Variants in TESC observed in about 807,000 individuals in gnomAD.
TESC encodes calcineurin B homologous protein 3.
In TESC, 19 loss-of-function variants were observed where a neutral mutation model predicts 31.0. The observed-to-expected ratio is 0.61, with a 90% confidence interval of 0.43 to 0.90. TESC has a LOEUF of 0.90. TESC is among the 40% of genes least tolerant of loss of function. TESC has a pLI of 0.00. For synonymous variants in TESC, 109 were observed against 114.8 expected (o/e 0.95, Z 0.32); for missense variants, 248 against 303.8 (o/e 0.82, Z 1.36).
chr12:117,055,916 T>TC (rs1295485264), intron 3 of TESC, among the ~76,000 whole-genome samples: 5 of 146,030 alleles, frequency 3.4e-5, no homozygotes, highest in African/African-American at 1.3e-4. Context: ...CTTTTCCTTT[T>TC]TTTTTTTTTT....
intron 1 of TESC, among the ~76,000 whole-genome samples, chr12:117,085,354 T>C (rs1285864717): frequency 1.3e-5 from 2 of 151,990 alleles, no homozygotes; most frequent in African/African-American, 2.4e-5. Flanking sequence ...TGCCCGGCAA[T>C]AGACAGCGTG....
At chr12:117,053,491 T>C (rs888855690) in intron 3 of TESC, among the ~76,000 whole-genome samples, 1 of 152,038 alleles carries the variant, frequency 6.6e-6, no homozygotes, top group African/African-American at 2.4e-5. Flanking sequence ...TTCCTACAAG[T>C]GACAACTGAC....
intron 2 of TESC, among the ~76,000 whole-genome samples, chr12:117,069,428 G>A (rs1954934541): frequency 6.6e-6 from 1 of 152,044 alleles, no homozygotes; most frequent in Non-Finnish European, 1.5e-5. Flanking sequence ...CAGTAGAGAC[G>A]AGGTTTCACC....
chr12:117,085,015 G>T lies in TESC; in HGVS notation c.59-9675C>A, dbSNP rs116717413. On this transcript the variant is annotated intron_variant, in intron 1 of 7. Coordinates refer to ENST00000335209, the MANE Select transcript of TESC (RefSeq NM_017899.4). ...CTCTGCTAGAAATGCACATCCCCTCGCCAGGATCCAGGACAGTAAACGCTG... is the reference window on the plus strand; with the variant it reads ...CTCTGCTAGAAATGCACATCCCCTCTCCAGGATCCAGGACAGTAAACGCTG... 1.8e-3 allele frequency among the ~76,000 whole-genome samples: 271 copies of T among 152,318 alleles called. 1 individual carries two copies. The highest frequency in any genetic ancestry group is 6.3e-3 in the African/African-American group (261 of 41,572).
intron 1 of TESC, among the ~76,000 whole-genome samples, chr12:117,081,141 G>A (rs911382883): frequency 2.6e-5 from 4 of 152,242 alleles, no homozygotes; most frequent in Admixed American, 6.5e-5. Flanking sequence ...AAACTTCAAC[G>A]TGAAGGAACA....
chr12:117,082,501 TAA>T (rs780175960), intron 1 of TESC, among the ~76,000 whole-genome samples: 50 of 124,770 alleles, frequency 4.0e-4, no homozygotes, highest in Admixed American at 5.0e-4. Context: ...AGACTTTGTC[TAA>T]AAAAAAAAAA....
At chr12:117,093,401 A>G (rs1955341842) in intron 1 of TESC, among the ~76,000 whole-genome samples, 1 of 152,222 alleles carries the variant, frequency 6.6e-6, no homozygotes, top group South Asian at 2.1e-4. Context: ...ATGAGATTAG[A>G]CCAGGAATGG....
intron 1 of TESC, among the ~76,000 whole-genome samples, chr12:117,081,061 C>G (rs778451928): frequency 2.0e-5 from 3 of 152,202 alleles, no homozygotes; most frequent in Admixed American, 6.5e-5. Flanking sequence ...GCACACCAGT[C>G]CATGGGGCTG....
intron 3 of TESC, among the ~76,000 whole-genome samples, chr12:117,052,050 C>T (rs999104635): frequency 2.0e-5 from 3 of 152,194 alleles, no homozygotes; most frequent in African/African-American, 7.2e-5. Flanking sequence ...GCTGGGATTA[C>T]AGGTGCGTGC....
intron 2 of TESC, among the ~76,000 whole-genome samples, chr12:117,071,557 T>G (rs999593643): frequency 3.3e-5 from 5 of 152,170 alleles, no homozygotes; most frequent in Non-Finnish European, 7.3e-5. Context: ...AAGATGACGT[T>G]GATGGCACTG....
chr12:117,093,598 A>G (rs1262619117), intron 1 of TESC, among the ~76,000 whole-genome samples: 1 of 152,196 alleles, frequency 6.6e-6, no homozygotes. Context: ...GGCCTTGGGC[A>G]GGCACCTCCT....
chr12:117,088,910 G>A (rs1382466977), intron 1 of TESC, among the ~76,000 whole-genome samples: 1 of 152,202 alleles, frequency 6.6e-6, no homozygotes, highest in African/African-American at 2.4e-5. Flanking sequence ...CTGCTGAGGT[G>A]GCCCAGGTGT....
chr12:117,049,273 C>T, intron 3 of TESC, 115 bp from the exon 4 acceptor site: 1 of 1,432,410 alleles, frequency 7.0e-7, no homozygotes, highest in Non-Finnish European at 9.5e-7. Flanking sequence ...CCCACGATGG[C>T]TGCTCTCGCC....
intron 2 of TESC, among the ~76,000 whole-genome samples, chr12:117,063,271 C>A (rs1325820964): frequency 1.3e-5 from 2 of 152,170 alleles, no homozygotes; most frequent in Non-Finnish European, 2.9e-5. Flanking sequence ...CTCACTCTCA[C>A]CACTTCCTTC....
At chr12:117,041,798 GC>G in intron 7 of TESC, 148 bp downstream of exon 7, 1 of 677,094 alleles carries the variant, frequency 1.5e-6, no homozygotes, top group Admixed American at 3.1e-5. Context: ...TAAAGGCCAT[GC>G]CCAGGTTGAC....
intron 2 of TESC, among the ~76,000 whole-genome samples, chr12:117,057,135 T>C (rs1395946102): frequency 6.6e-6 from 1 of 152,192 alleles, no homozygotes; most frequent in African/African-American, 2.4e-5. Context: ...AGAGTCTCAC[T>C]GTCACCCAGG....
chr12:117,099,164 C>G (rs1324481800), intron 1 of TESC, 61 bp downstream of exon 1: 1 of 1,455,040 alleles, frequency 6.9e-7, no homozygotes, highest in Admixed American at 2.5e-5. Context: ...GCCGGGGTCC[C>G]CAACAGTGGC....
At chr12:117,071,236 C>A (rs965423710) in intron 2 of TESC, among the ~76,000 whole-genome samples, 1 of 152,220 alleles carries the variant, frequency 6.6e-6, no homozygotes, top group Admixed American at 6.5e-5. Context: ...CATTTATTCA[C>A]TCATCCCTTC....
At chr12:117,054,855 C>T (rs1162489177) in intron 3 of TESC, among the ~76,000 whole-genome samples, 1 of 152,160 alleles carries the variant, frequency 6.6e-6, no homozygotes, top group African/African-American at 2.4e-5. Flanking sequence ...GACATGGGGA[C>T]CGTGGGGCAA....
Sources: gnomAD v4.1 joint callset for allele counts (sites outside exome capture counted in the v4.1 genomes callset) on GRCh38, gnomAD v4.1.1 for gene constraint, MANE v1.5 for transcripts, NCBI Gene and HGNC (gene_info 2026-07-23, HGNC 2026-07-21) for gene names.